TECPR2: variants seen among roughly 807,000 people sequenced by gnomAD.
TECPR2 encodes the protein tectonin beta-propeller repeat containing 2, also known as tectonin beta-propeller repeat-containing protein 2.
In TECPR2, 65 loss-of-function variants were observed where a neutral mutation model predicts 138.1. That is an observed-to-expected ratio of 0.47 (90% CI 0.39 to 0.58). The LOEUF (loss-of-function observed/expected upper bound fraction) is 0.58, where lower values mean the gene tolerates loss of function less well. Ranked by LOEUF, TECPR2 falls within the 20% of genes least tolerant of loss-of-function variation. The pLI is 0.00. For missense variants in TECPR2, 1,553 were observed against 1,824.5 expected, an observed-to-expected ratio of 0.85 and a Z score of 2.71; for synonymous variants, 746 against 749.8, an observed-to-expected ratio of 0.99 and a Z score of 0.08.
At chr14:102,437,255 A>G in intron 9 of TECPR2, 1 of 960,758 alleles carries the variant, frequency 1.0e-6, no homozygotes, top group Non-Finnish European at 1.2e-6. Flanking sequence ...TTTTAAAAGA[A>G]TTCTAGCAAG....
chr14:102,395,226 G>C (rs1888284996), intron 2 of TECPR2, among the ~76,000 whole-genome samples: 1 of 152,198 alleles, frequency 6.6e-6, no homozygotes. Context: ...CTTTAAGAGG[G>C]CTGGGACTGT....
At chr14:102,432,298 T>TACGC (rs1889519439) in intron 8 of TECPR2, among the ~76,000 whole-genome samples, 170 bp downstream of exon 8, 1 of 148,804 alleles carries the variant, frequency 6.7e-6, no homozygotes. Flanking sequence ...TAACGGAAAA[T>TACGC]ACACACACAC....
In TECPR2 at chr14:102,477,614, G is replaced by A. The variant is rs373136587; in HGVS notation, c.3789+12325G>A. ...AGCCCAGACTGGGGTACAGTGGTGC[G>A]ATCTCGGCTCACTGCAAGCTCCGCC... On this transcript the variant is annotated intron_variant, in intron 17 of 19. Coordinates refer to ENST00000359520, the MANE Select transcript of TECPR2 (RefSeq NM_014844.5). Among the ~76,000 whole-genome samples, 63 of 146,754 alleles carry A rather than the reference G, an allele frequency of 4.3e-4. No homozygotes were observed. In the East Asian group the frequency reaches 9.7e-3, roughly 23 times the overall value.
At chr14:102,427,246 C>G (rs1040295739) in intron 6 of TECPR2, among the ~76,000 whole-genome samples, 8 of 152,220 alleles carry the variant, frequency 5.3e-5, no homozygotes, top group Admixed American at 3.3e-4. Context: ...CTTATGTGCA[C>G]TTATTAATTA....
chr14:102,446,367 G>A (rs1889980587), intron 13 of TECPR2, among the ~76,000 whole-genome samples: 1 of 152,174 alleles, frequency 6.6e-6, no homozygotes, highest in Admixed American at 6.6e-5. Context: ...GAGAGGCCAA[G>A]GCAGGCAGAT....
At position 102,501,179 on chromosome 14, in the gene TECPR2, G is replaced by T. The variant is rs1891427646; in HGVS notation, c.*2922G>T. ...GAGAGGGCATCTCAGATGCGCTTAAGGAGCGGCGGGGGCGGGGCATGGGGG... is the reference window on the plus strand; with the variant it reads ...GAGAGGGCATCTCAGATGCGCTTAATGAGCGGCGGGGGCGGGGCATGGGGG... On this transcript the variant is annotated 3_prime_UTR_variant, in exon 20 of 20. Coordinates refer to ENST00000359520, the MANE Select transcript of TECPR2 (RefSeq NM_014844.5). 6.6e-6 allele frequency: 1 copy of T among 152,254 alleles called. No homozygotes were observed. Among genetic ancestry groups the T allele is most frequent in the South Asian group, 2.1e-4 (1 of 4,836 alleles). 9.4% of individuals were successfully genotyped at this position (152,254 alleles called of 1,614,324 possible).
intron 2 of TECPR2, among the ~76,000 whole-genome samples, chr14:102,384,810 G>C (rs889035091): frequency 6.8e-6 from 1 of 146,512 alleles, no homozygotes; most frequent in Non-Finnish European, 1.5e-5. Context: ...AGCAAGACAG[G>C]AACCAAGGAT....
intron 17 of TECPR2, among the ~76,000 whole-genome samples, chr14:102,490,903 G>A (rs981257192): frequency 6.6e-6 from 1 of 151,498 alleles, no homozygotes; most frequent in African/African-American, 2.4e-5. Context: ...GTTTTTTTGG[G>A]TTTTTTTTGA....
At chr14:102,375,537 A>G (rs1887621450) in intron 1 of TECPR2, among the ~76,000 whole-genome samples, 1 of 152,176 alleles carries the variant, frequency 6.6e-6, no homozygotes, top group Admixed American at 6.6e-5. Context: ...CTGGGGTGAG[A>G]ACGAGCTGGA....
rs145103685 is a variant in TECPR2 at position 102,415,305 on chromosome 14, A to G, written c.638+512A>G. ...CACTGTGTCAGCTGCTGTGGACCAA[A>G]ATACACAGGATGCTGTGTGAGTTTA... On this transcript the variant is annotated intron_variant, in intron 5 of 19. Coordinates refer to ENST00000359520, the MANE Select transcript of TECPR2 (RefSeq NM_014844.5). This position sits in a 1 kb window ranked among gnomAD's most constrained non-coding sequence, Gnocchi z 4.3. Among the ~76,000 whole-genome samples the G allele has an allele frequency of 6.6e-6, 1 of 152,334 alleles. No homozygotes were observed. Among genetic ancestry groups the G allele is most frequent in the African/African-American group, 2.4e-5 (1 of 41,570 alleles).
At chr14:102,426,011 A>G (rs1436429024) in intron 6 of TECPR2, among the ~76,000 whole-genome samples, 1 of 149,830 alleles carries the variant, frequency 6.7e-6, no homozygotes, top group Non-Finnish European at 1.5e-5. Context: ...CAGCCTCCCA[A>G]GTAGCTGGGA....
At chr14:102,422,189 T>C (rs1889201888) in intron 5 of TECPR2, among the ~76,000 whole-genome samples, 1 of 152,160 alleles carries the variant, frequency 6.6e-6, no homozygotes, top group Non-Finnish European at 1.5e-5. Context: ...ACAGAAATGC[T>C]CATAGCACAA....
Position 102,498,298 on chromosome 14 carries a change from TG to T in TECPR2, c.*43del. ...GTCACGCGGAGGGGCCCGGCGTCTG[TG>T]GCGGGCACAGGGGCTTCAGAGTGAC... On this transcript the variant is annotated 3_prime_UTR_variant, in exon 20 of 20. Coordinates refer to ENST00000359520, the MANE Select transcript of TECPR2 (RefSeq NM_014844.5). The T allele has an allele frequency of 6.4e-7, 1 of 1,571,896 alleles. No individual in the cohort carries two copies. Among genetic ancestry groups the T allele is most frequent in the Non-Finnish European group, 8.6e-7 (1 of 1,166,962 alleles).
At chr14:102,381,887 A>G (rs1887831860) in intron 2 of TECPR2, among the ~76,000 whole-genome samples, 1 of 152,254 alleles carries the variant, frequency 6.6e-6, no homozygotes, top group Admixed American at 6.5e-5. Context: ...TAACAGATGT[A>G]GATGTAGTAA....
chr14:102,423,730 A>G (rs1161952398), intron 5 of TECPR2, among the ~76,000 whole-genome samples: 1 of 152,178 alleles, frequency 6.6e-6, no homozygotes, highest in East Asian at 1.9e-4. Context: ...GACTCTATAT[A>G]TAGCATATTC....
At chr14:102,431,571 T>G (rs894135632) in intron 7 of TECPR2, among the ~76,000 whole-genome samples, 1 of 152,144 alleles carries the variant, frequency 6.6e-6, no homozygotes, top group South Asian at 2.1e-4. Flanking sequence ...CTTGATCTCC[T>G]GACCTTGTGA....
intron 2 of TECPR2, 107 bp from the exon 3 acceptor site, chr14:102,407,231 G>A: frequency 1.4e-6 from 2 of 1,381,666 alleles, no homozygotes; most frequent in Non-Finnish European, 1.9e-6. Context: ...GAATATGTAT[G>A]GACTGCAGCC....
chr14:102,421,865 C>T (rs74472242), intron 5 of TECPR2, among the ~76,000 whole-genome samples: 5,734 of 152,244 alleles, frequency 0.038, 122 homozygotes, highest in Middle Eastern at 0.092. Context: ...CAGGGCTGGA[C>T]ATCGAGCCCA....
intron 1 of TECPR2, among the ~76,000 whole-genome samples, chr14:102,375,388 G>A (rs1887617540): frequency 6.6e-6 from 1 of 152,098 alleles, no homozygotes; most frequent in African/African-American, 2.4e-5. Flanking sequence ...AGTAAAACTG[G>A]GAGAGGTGAC....
Sources: allele counts gnomAD v4.1 joint callset (sites outside exome capture counted in the v4.1 genomes callset), GRCh38; gene constraint gnomAD v4.1.1; non-coding constraint Gnocchi (gnomAD v3.1); transcripts MANE v1.5; gene names NCBI Gene and HGNC (gene_info 2026-07-23, HGNC 2026-07-21).